Variants in UBXN4 observed in about 807,000 individuals in gnomAD.
UBXN4 encodes UBX domain-containing protein 4.
A neutral mutation model predicts 66.2 loss-of-function variants in UBXN4; 35 were observed. That is an observed-to-expected ratio of 0.53 (90% CI 0.40 to 0.70). UBXN4 has a LOEUF of 0.70. Ranked by LOEUF, UBXN4 falls within the 30% of genes least tolerant of loss-of-function variation. UBXN4 has a pLI of 0.00. For missense variants in UBXN4, 533 were observed against 599.8 expected, an observed-to-expected ratio of 0.89 and a Z score of 1.16; for synonymous variants, 203 against 204.5, an observed-to-expected ratio of 0.99 and a Z score of 0.06.
intron 3 of UBXN4, 92 bp from the exon 4 acceptor site, chr2:135,754,067 A>G (rs2077263956): frequency 1.4e-5 from 13 of 897,716 alleles, no homozygotes; most frequent in Non-Finnish European, 1.9e-5. Context: ...TGAAAATCAC[A>G]AAGATCATTT....
chr2:135,768,281 C>G (rs531866240), intron 6 of UBXN4, among the ~76,000 whole-genome samples: 1 of 150,234 alleles, frequency 6.7e-6, no homozygotes, highest in African/African-American at 2.4e-5. Flanking sequence ...TCACTGCAAC[C>G]TCCGCCCCCC....
intron 1 of UBXN4, among the ~76,000 whole-genome samples, chr2:135,746,877 G>A (rs1241348311): frequency 6.9e-6 from 1 of 144,276 alleles, no homozygotes; most frequent in Non-Finnish European, 1.5e-5. Flanking sequence ...GAGGGTTGAT[G>A]TGATCTTTTT....
In UBXN4 at chr2:135,754,163, T is replaced by C. The variant is rs1265471484; in HGVS notation, c.219T>C (p.Pro73=). ...EACLQFSQIY[P]VVCVPSSFFI... ...AGACTTCATTAAACTGTACAGATCC[T>C]GTAGTGTGTGTTCCATCCAGTTTCT... Residue 73 remains proline (P), a synonymous_variant, in exon 4 of 13, where the codon CCT becomes CCC. Transcript: ENST00000272638. The C allele has an allele frequency of 3.7e-6, 6 of 1,610,268 alleles. No individual in the cohort carries two copies. The highest frequency in any genetic ancestry group is 5.1e-6 in the Non-Finnish European group (6 of 1,176,488).
chr2:135,746,882 CTTTTT>C (rs34311143), intron 1 of UBXN4, among the ~76,000 whole-genome samples: 1 of 147,008 alleles, frequency 6.8e-6, no homozygotes, highest in African/African-American at 2.5e-5. Context: ...TTGATGTGAT[CTTTTT>C]TTTTTTAGAG....
At chr2:135,752,853 C>T (rs1270324163) in intron 2 of UBXN4, among the ~76,000 whole-genome samples, 5 of 148,652 alleles carry the variant, frequency 3.4e-5, no homozygotes, top group Non-Finnish European at 6.0e-5. Context: ...CCTGAGTAGC[C>T]GGGATTACAG....
At chr2:135,756,980 ATTTC>A (rs1472416127) in intron 5 of UBXN4, among the ~76,000 whole-genome samples, 1 of 151,854 alleles carries the variant, frequency 6.6e-6, no homozygotes, top group African/African-American at 2.4e-5. Context: ...TGCTTTCAGG[ATTTC>A]TTTCTTTCTT....
intron 11 of UBXN4, 41 bp from the exon 12 acceptor site, chr2:135,780,142 G>C (rs780644119): frequency 6.3e-7 from 1 of 1,595,138 alleles, no homozygotes; most frequent in South Asian, 1.1e-5. Context: ...ATGTGATTGT[G>C]CTAACGTAGT....
rs2077473990 is a variant in UBXN4 at position 135,784,861 on chromosome 2, A to AG, written c.*1975dup. ...CCCTCCTCAATTTTGTATTTTTAAA[A>AG]GTACATGGTAAAAAAAAAAATTCAC... On this transcript the variant is annotated 3_prime_UTR_variant, in exon 13 of 13. Coordinates refer to ENST00000272638, the MANE Select transcript of UBXN4 (RefSeq NM_014607.4). 1 of 151,666 alleles carries AG rather than the reference A, an allele frequency of 6.6e-6. No homozygotes were observed. The highest frequency in any genetic ancestry group is 1.5e-5 in the Non-Finnish European group (1 of 67,782). 9.4% of individuals were successfully genotyped at this position (151,666 alleles called of 1,614,324 possible). A position where few individuals can be genotyped will look rare whatever the true frequency, so the allele number is the denominator to read the frequency against.
At chr2:135,765,579 T>C (rs1326074284) in intron 6 of UBXN4, among the ~76,000 whole-genome samples, 1 of 152,180 alleles carries the variant, frequency 6.6e-6, no homozygotes, top group East Asian at 1.9e-4. Flanking sequence ...AATTCTAGTC[T>C]TTTTATTTGA....
rs910405915 is a variant in UBXN4, at chr2:135,783,172, T to C, written c.*285T>C. 1 of 245,000 alleles carries C rather than the reference T, an allele frequency of 4.1e-6. No homozygotes were observed. Among genetic ancestry groups the C allele is most frequent in the Non-Finnish European group, 7.9e-6 (1 of 126,884 alleles). The allele number at this position is 245,000 out of a possible 1,614,324, so 15.2% of individuals were successfully genotyped here. ...CATCAGCTTCTTATTTAGTATTTCA[T>C]ATGCCCATTAGCCCTATGCTTCAGA... On this transcript the variant is annotated 3_prime_UTR_variant, in exon 13 of 13. Coordinates refer to ENST00000272638, the MANE Select transcript of UBXN4 (RefSeq NM_014607.4).
intron 10 of UBXN4, 47 bp downstream of exon 10, chr2:135,776,398 T>G: frequency 6.6e-7 from 1 of 1,517,714 alleles, no homozygotes; most frequent in South Asian, 1.2e-5. Context: ...TGTAGGTTAC[T>G]AAATTATAGG....
chr2:135,747,346 CTCAA>C (rs1334494710), intron 1 of UBXN4, among the ~76,000 whole-genome samples: 40 of 42,986 alleles, frequency 9.3e-4, no homozygotes, highest in African/African-American at 3.3e-3. Flanking sequence ...GAAACTCCAT[CTCAA>C]AAAAAAAAAA....
In UBXN4 at chr2:135,782,901, A is replaced by C. The variant is rs772464212; in HGVS notation, c.*14A>C. On this transcript the variant is annotated 3_prime_UTR_variant, in exon 13 of 13. Transcript: ENST00000272638. ...CAACAGATGTAGTGTGACAAGTATA[A>C]TATGTGCAATAATCATTGTTTCTCT... 1 of 1,601,268 alleles carries C rather than the reference A, an allele frequency of 6.2e-7. No individual in the cohort carries two copies. Among genetic ancestry groups the C allele is most frequent in the South Asian group, 1.1e-5 (1 of 89,326 alleles).
chr2:135,748,205 G>A (rs2077221013), intron 1 of UBXN4, 62 bp from the exon 2 acceptor site: 2 of 1,297,886 alleles, frequency 1.5e-6, no homozygotes, highest in African/African-American at 1.5e-5. Context: ...GTTTTCCAGG[G>A]GAAAAGAGTT....
In UBXN4 at chr2:135,749,428, A is replaced by G. The variant is rs191369359; in HGVS notation, c.185+1059A>G. On this transcript the variant is annotated intron_variant, in intron 2 of 12. Coordinates refer to ENST00000272638, the MANE Select transcript of UBXN4 (RefSeq NM_014607.4). ...CCCATCTTTTAAAAAAATTTTTGTT[A>G]TAGGAAGTTTCAAACATATATGAAA... is the stretch of plus-strand genomic sequence containing the variant. 5.3e-3 allele frequency among the ~76,000 whole-genome samples: 811 copies of G among 152,264 alleles called. 8 individuals are homozygous for G. Among genetic ancestry groups the G allele is most frequent in the Non-Finnish European group, 5.4e-3 (364 of 68,028 alleles).
At chr2:135,763,845 C>T (rs1350430103) in intron 6 of UBXN4, among the ~76,000 whole-genome samples, 2 of 151,202 alleles carry the variant, frequency 1.3e-5, no homozygotes, top group African/African-American at 4.9e-5. Context: ...ATAAATAAGA[C>T]CAGGCATGGT....
At position 135,772,551 on chromosome 2, in the gene UBXN4, C is replaced by T; in HGVS notation, c.950+4C>T. The T allele has an allele frequency of 6.2e-7, 1 of 1,613,140 alleles. No homozygotes were observed. The highest frequency in any genetic ancestry group is 8.5e-7 in the Non-Finnish European group (1 of 1,179,402). ...AATCTTATGCAAGAGAAAGAAGGTACTATATTTCATGCTGAAACATCTCTG... is the reference window on the plus strand; with the variant it reads ...AATCTTATGCAAGAGAAAGAAGGTATTATATTTCATGCTGAAACATCTCTG... On this transcript the variant is annotated splice_donor_region_variant and intron_variant, in intron 9 of 12. Coordinates refer to ENST00000272638, the MANE Select transcript of UBXN4 (RefSeq NM_014607.4).
Position 135,769,772 on chromosome 2 carries a change from A to G in UBXN4, c.606A>G (p.Leu202=). 1 of 1,585,520 alleles carries G rather than the reference A, an allele frequency of 6.3e-7. No individual in the cohort carries two copies. Among genetic ancestry groups the G allele is most frequent in the Non-Finnish European group, 8.5e-7 (1 of 1,170,624 alleles). Residue 202 remains leucine, a synonymous_variant, in exon 7 of 13, where the codon CTA becomes CTG. Coordinates refer to ENST00000272638, the MANE Select transcript of UBXN4 (RefSeq NM_014607.4). ...GGTTTTTTTTTTTTTAATACAGACT[A>G]ACAAAAAAACTTGAAGAAAGGAGAG... ...AEDLNIRVER[L]TKKLEERREE...
At chr2:135,753,690 CT>C in intron 3 of UBXN4, 123 bp downstream of exon 3, 1 of 860,836 alleles carries the variant, frequency 1.2e-6, no homozygotes, top group South Asian at 2.4e-5. Context: ...TTTATGGAAA[CT>C]TTATTACTAA....
Sources: allele counts gnomAD v4.1 joint callset (sites outside exome capture counted in the v4.1 genomes callset), GRCh38; gene constraint gnomAD v4.1.1; transcripts MANE v1.5; gene names NCBI Gene and HGNC (gene_info 2026-07-23, HGNC 2026-07-21).